PHF24: variants seen among roughly 807,000 people sequenced by gnomAD.
PHF24 encodes the protein Galpha inhibitory interacting protein.
In PHF24, 25 loss-of-function variants were observed where a neutral mutation model predicts 42.6. That is an observed-to-expected ratio of 0.59 (90% CI 0.43 to 0.82). The LOEUF is 0.82. Ranked by LOEUF, PHF24 falls within the 40% of genes least tolerant of loss-of-function variation. The pLI, the probability that PHF24 is intolerant of heterozygous loss-of-function variation, is 0.00. For synonymous variants in PHF24, 185 were observed against 204.8 expected (o/e 0.90, Z 0.83); for missense variants, 470 against 538.1 (o/e 0.87, Z 1.25).
chr9:34,858,807 CTATT>C, the PHF24 span, among the ~76,000 whole-genome samples: 2 of 152,150 alleles, frequency 1.3e-5, no homozygotes, highest in Non-Finnish European at 2.9e-5. Flanking sequence ...AGGATAGTTT[CTATT>C]TATTTTCTTC....
intron 1 of PHF24, among the ~76,000 whole-genome samples, chr9:34,964,322 T>A (rs1826695526): frequency 6.6e-6 from 1 of 152,160 alleles, no homozygotes; most frequent in African/African-American, 2.4e-5. Flanking sequence ...GGCAGGAGAA[T>A]CACTTGAGCC....
exon 8 of PHF24, chr9:34,980,735 A>C (rs534591699): frequency 3.3e-5 from 5 of 152,228 alleles, no homozygotes; most frequent in Non-Finnish European, 5.9e-5. Flanking sequence ...TCTGCCAAGT[A>C]CAAATATTAG....
the PHF24 span, among the ~76,000 whole-genome samples, chr9:34,810,099 C>G: frequency 2.6e-5 from 4 of 151,962 alleles, no homozygotes; most frequent in Non-Finnish European, 5.9e-5. Context: ...AGCCGGCCCT[C>G]GAGCTCCGCT....
intron 7 of PHF24, 131 bp downstream of exon 7, chr9:34,977,772 G>A (rs1175294615): frequency 1.2e-6 from 1 of 845,864 alleles, no homozygotes; most frequent in Non-Finnish European, 1.9e-6. Flanking sequence ...CTCCAAGAGT[G>A]CACATTTGAC....
the PHF24 span, among the ~76,000 whole-genome samples, chr9:34,694,041 G>A: frequency 6.6e-6 from 1 of 152,086 alleles, no homozygotes; most frequent in Non-Finnish European, 1.5e-5. Context: ...TACTCAGGAG[G>A]CTGAGGCAGG....
At chr9:34,911,281 GTC>G in the PHF24 span, among the ~76,000 whole-genome samples, 2 of 151,702 alleles carry the variant, frequency 1.3e-5, no homozygotes, top group Non-Finnish European at 2.9e-5. Context: ...TTGAGACAGA[GTC>G]TCTCTCTGTC....
chr9:34,902,646 C>A, the PHF24 span, among the ~76,000 whole-genome samples: 1 of 149,204 alleles, frequency 6.7e-6, no homozygotes, highest in African/African-American at 2.5e-5. Context: ...AGAGTAAGAC[C>A]CTGTCTCAAA....
At chr9:34,896,416 C>G in the PHF24 span, among the ~76,000 whole-genome samples, 3 of 152,146 alleles carry the variant, frequency 2.0e-5, no homozygotes, top group Non-Finnish European at 4.4e-5. Context: ...GTGGTCCAGC[C>G]TGAGATGGGT....
the PHF24 span, among the ~76,000 whole-genome samples, chr9:34,915,026 C>CTTTTTTTTTTTTTTTTT: frequency 7.7e-4 from 29 of 37,436 alleles, no homozygotes; most frequent in East Asian, 1.4e-3. Flanking sequence ...TTTTTCTTTT[C>CTTTTTTTTTTTTTTTTT]TTTTTTTTTT....
chr9:34,696,166 T>C, the PHF24 span, among the ~76,000 whole-genome samples: 1 of 152,108 alleles, frequency 6.6e-6, no homozygotes, highest in Non-Finnish European at 1.5e-5. Context: ...TGGCCATTTC[T>C]GATTGTGCTA....
chr9:34,744,958 T>G, the PHF24 span, among the ~76,000 whole-genome samples: 1 of 152,186 alleles, frequency 6.6e-6, no homozygotes, highest in East Asian at 1.9e-4. Flanking sequence ...AGCCAGGGGT[T>G]AGTTACAGCT....
At chr9:34,890,827 G>A in the PHF24 span, among the ~76,000 whole-genome samples, 950 of 152,302 alleles carry the variant, frequency 6.2e-3, 7 homozygotes, top group African/African-American at 0.021. Flanking sequence ...ATTAGGGGCT[G>A]TGAGGATCTG....
At chr9:34,715,045 A>G in the PHF24 span, among the ~76,000 whole-genome samples, 1 of 152,168 alleles carries the variant, frequency 6.6e-6, no homozygotes, top group South Asian at 2.1e-4. Flanking sequence ...GAGATGTTAC[A>G]TCCTGGAGAT....
chr9:34,972,529 T>C, exon 3 of PHF24: 2 of 1,606,524 alleles, frequency 1.2e-6, no homozygotes, highest in Non-Finnish European at 1.7e-6. Context: ...CTGCCACTAC[T>C]GTGTAAGTCT....
chr9:34,907,760 CCTTTTT>C, the PHF24 span, among the ~76,000 whole-genome samples: 2 of 151,886 alleles, frequency 1.3e-5, no homozygotes, highest in African/African-American at 4.8e-5. Context: ...TTTTTTTTCC[CCTTTTT>C]CTTATCCTTC....
At chr9:34,744,880 A>C in the PHF24 span, among the ~76,000 whole-genome samples, 1 of 152,212 alleles carries the variant, frequency 6.6e-6, no homozygotes, top group African/African-American at 2.4e-5. Context: ...AGATTAAAAA[A>C]AAAAATCCAG....
the PHF24 span, among the ~76,000 whole-genome samples, chr9:34,739,149 T>A: frequency 2.0e-5 from 3 of 152,234 alleles, no homozygotes; most frequent in Non-Finnish European, 4.4e-5. Flanking sequence ...AAGAAACCTA[T>A]TTATTCATTA....
At chr9:34,724,998 G>C in the PHF24 span, 3 of 1,552,072 alleles carry the variant, frequency 1.9e-6, no homozygotes, top group Non-Finnish European at 2.6e-6. Context: ...AAAGCCTGTT[G>C]CTGCTGATCA....
chr9:34,872,071 A>C, the PHF24 span, among the ~76,000 whole-genome samples: 1 of 152,058 alleles, frequency 6.6e-6, no homozygotes, highest in African/African-American at 2.4e-5. Flanking sequence ...GGTTTTGCAT[A>C]TGTATATATT....
Sources: gnomAD v4.1 joint callset for allele counts (sites outside exome capture counted in the v4.1 genomes callset) on GRCh38, gnomAD v4.1.1 for gene constraint, MANE v1.5 for transcripts, NCBI Gene and HGNC (gene_info 2026-07-23, HGNC 2026-07-21) for gene names.